MKLN1: variants seen among roughly 807,000 people sequenced by gnomAD.
MKLN1 encodes muskelin 1, also known as muskelin.
A neutral mutation model predicts 99.0 loss-of-function variants in MKLN1; 18 were observed. That is an observed-to-expected ratio of 0.18 (90% CI 0.13 to 0.27). MKLN1 has a LOEUF of 0.27. Among genes scored for constraint, MKLN1 ranks in the 10% least tolerant of loss-of-function variants. MKLN1 has a pLI of 1.00. For synonymous variants in MKLN1, 288 were observed against 293.2 expected, an observed-to-expected ratio of 0.98 and a Z score of 0.18; for missense variants, 621 against 875.9, an observed-to-expected ratio of 0.71 and a Z score of 3.67.
chr7:131,414,499 A>C (rs906980605), intron 7 of MKLN1, 146 bp from the exon 8 acceptor site: 1 of 492,274 alleles, frequency 2.0e-6, no homozygotes, highest in Non-Finnish European at 3.6e-6. Flanking sequence ...TCATACTGTT[A>C]CTTTTATGAG....
chr7:131,161,963 G>GTATATATATATA (rs71168374), intron 2 of MKLN1, among the ~76,000 whole-genome samples: 1 of 109,296 alleles, frequency 9.1e-6, no homozygotes, highest in Non-Finnish European at 1.9e-5. Flanking sequence ...GTGTGTGTGT[G>GTATATATATATA]TATATATATA....
chr7:131,199,467 T>C (rs991250190), intron 2 of MKLN1, among the ~76,000 whole-genome samples: 1 of 152,216 alleles, frequency 6.6e-6, no homozygotes, highest in African/African-American at 2.4e-5. Context: ...TTGCCTGGGC[T>C]GATCTCAAAC....
At chr7:131,242,719 TG>T in intron 3 of MKLN1, 2 of 685,322 alleles carry the variant, frequency 2.9e-6, no homozygotes, top group South Asian at 1.4e-5. Context: ...CATGCTCTGG[TG>T]GCTGGAATTG....
At chr7:131,423,176 A>G (rs755279254) in intron 8 of MKLN1, among the ~76,000 whole-genome samples, 3 of 152,140 alleles carry the variant, frequency 2.0e-5, no homozygotes, top group Non-Finnish European at 4.4e-5. Context: ...TCTCAATCAG[A>G]ATAGGTATGA....
intron 2 of MKLN1, among the ~76,000 whole-genome samples, chr7:131,188,751 T>C (rs1314118247): frequency 2.0e-5 from 3 of 152,260 alleles, no homozygotes; most frequent in Non-Finnish European, 2.9e-5. Context: ...AGGGACAGAA[T>C]TGAGGCCATG....
intron 12 of MKLN1, among the ~76,000 whole-genome samples, chr7:131,451,817 A>G (rs751168990): frequency 1.1e-4 from 17 of 152,214 alleles, no homozygotes; most frequent in Admixed American, 2.0e-4. Flanking sequence ...CTCTGTATTT[A>G]ACACTAATTG....
intron 2 of MKLN1, among the ~76,000 whole-genome samples, chr7:131,152,554 C>T (rs1388573967): frequency 6.9e-6 from 1 of 145,500 alleles, no homozygotes; most frequent in Admixed American, 7.1e-5. Flanking sequence ...GGCTGGAGTG[C>T]AGTGGCATGA....
At chr7:131,187,742 G>A (rs1193596671) in intron 2 of MKLN1, among the ~76,000 whole-genome samples, 1 of 152,142 alleles carries the variant, frequency 6.6e-6, no homozygotes, top group African/African-American at 2.4e-5. Flanking sequence ...CAGAGTCCAG[G>A]AGTTTGAGGC....
intron 1 of MKLN1, among the ~76,000 whole-genome samples, chr7:131,329,126 A>G (rs1798990068): frequency 1.3e-5 from 2 of 152,252 alleles, no homozygotes; most frequent in African/African-American, 4.8e-5. Flanking sequence ...TGTGAAGCAT[A>G]CTCAAGTAAG....
rs1457189477 is a variant in MKLN1, at chr7:131,142,927, G to A, written c.-311G>A. 3.8e-6 allele frequency: 5 copies of A among 1,305,034 alleles called. No homozygotes were observed. In the African/African-American group the frequency reaches 4.6e-5, roughly 12 times the overall value. 80.8% of individuals were successfully genotyped at this position (1,305,034 alleles called of 1,614,324 possible). On this transcript the variant is annotated 5_prime_UTR_variant, in exon 2 of 8. Transcript: ENST00000416992. ...TAACCTGCTCCATGCTTGAAAACAT[G>A]GGGATTGGAATTCGGTAAGTGTTGA...
At chr7:131,444,772 TAG>T in intron 11 of MKLN1, among the ~76,000 whole-genome samples, 1 of 103,642 alleles carries the variant, frequency 9.6e-6, no homozygotes, top group South Asian at 3.0e-4. Context: ...GAAGTAGTAG[TAG>T]TAGTAGTAGT....
intron 16 of MKLN1, among the ~76,000 whole-genome samples, chr7:131,474,170 C>A (rs1434574747): frequency 1.3e-5 from 2 of 152,008 alleles, no homozygotes; most frequent in Admixed American, 1.3e-4. Flanking sequence ...AATAGTAGAG[C>A]AGTGAGAAGT....
intron 1 of MKLN1, among the ~76,000 whole-genome samples, chr7:131,329,253 C>G (rs946711749): frequency 6.6e-6 from 1 of 152,222 alleles, no homozygotes; most frequent in Admixed American, 6.5e-5. Flanking sequence ...TGACTGCCAG[C>G]CTCCCATTTT....
chr7:131,416,003 C>T lies in MKLN1; in HGVS notation c.847+1293C>T, dbSNP rs146611285. 4.6e-3 allele frequency among the ~76,000 whole-genome samples: 695 copies of T among 152,118 alleles called. 8 individuals are homozygous for T. Among genetic ancestry groups the T allele is most frequent in the Non-Finnish European group, 6.4e-3 (433 of 68,012 alleles). On this transcript the variant is annotated intron_variant, in intron 8 of 17. Coordinates refer to ENST00000352689, the MANE Select transcript of MKLN1 (RefSeq NM_013255.5). ...TAGAGATGAGGTTTTGCCATGTTGC[C>T]CAGGCTGGTCTTGAACTCCTGGGCT...
chr7:131,141,538 T>C (rs946000683), intron 1 of MKLN1, among the ~76,000 whole-genome samples: 1 of 152,172 alleles, frequency 6.6e-6, no homozygotes, highest in Non-Finnish European at 1.5e-5. Context: ...ACCTTTCCAG[T>C]CTCATCTCTG....
intron 3 of MKLN1, among the ~76,000 whole-genome samples, chr7:131,226,929 T>G (rs1166873616): frequency 6.6e-6 from 1 of 152,254 alleles, no homozygotes; most frequent in Admixed American, 6.5e-5. Context: ...TGATCTGATG[T>G]CAGAATGGAT....
chr7:131,174,993 A>G (rs1202975162), intron 2 of MKLN1, among the ~76,000 whole-genome samples: 2 of 151,100 alleles, frequency 1.3e-5, no homozygotes, highest in African/African-American at 4.9e-5. Context: ...ATAGATAGAT[A>G]GATAGATAGA....
intron 8 of MKLN1, among the ~76,000 whole-genome samples, chr7:131,414,929 A>G (rs1320107474): frequency 9.2e-5 from 14 of 151,952 alleles, no homozygotes; most frequent in Non-Finnish European, 2.9e-5. Context: ...AAACTGGTGT[A>G]TTTCTGGATT....
At position 131,364,288 on chromosome 7, in the gene MKLN1, A is replaced by C. The variant is rs184820139; in HGVS notation, c.99-11136A>C. On this transcript the variant is annotated intron_variant, in intron 1 of 17. Coordinates refer to ENST00000352689, the MANE Select transcript of MKLN1 (RefSeq NM_013255.5). ...AATCAGAAAGCCTTGAAAAATTATC[A>C]GCATTCCCCCTTCCCACACATTTGT... Among the ~76,000 whole-genome samples, 9 of 152,234 alleles carry C rather than the reference A, an allele frequency of 5.9e-5. 1 individual carries two copies. Among genetic ancestry groups the C allele is most frequent in the Admixed American group, 5.9e-4 (9 of 15,284 alleles).
Sources: allele counts gnomAD v4.1 joint callset (sites outside exome capture counted in the v4.1 genomes callset), GRCh38; gene constraint gnomAD v4.1.1; transcripts MANE v1.5; gene names NCBI Gene and HGNC (gene_info 2026-07-23, HGNC 2026-07-21).